The following SPON2 variants were observed in gnomAD, a reference collection of about 807,000 sequenced individuals.
SPON2 encodes the protein spondin 2, also known as spondin-2.
A neutral mutation model predicts 29.9 loss-of-function variants in SPON2; 32 were observed. The ratio of observed to expected loss-of-function variants is 1.07; its 90% CI spans 0.81 to 1.44. The LOEUF is 1.44. Ranked by LOEUF, SPON2 falls within the 40% of genes most tolerant of loss-of-function variation. SPON2 has a pLI of 0.00. For synonymous variants in SPON2, 248 were observed against 209.1 expected (o/e 1.19, Z -1.61); for missense variants, 541 against 455.5 (o/e 1.19, Z -1.71).
rs908832931 is a variant in SPON2, at chr4:1,202,246, G to T, written c.-234+5634C>A. 2.0e-5 allele frequency among the ~76,000 whole-genome samples: 3 copies of T among 152,186 alleles called. No individual in the cohort carries two copies. Among genetic ancestry groups the T allele is most frequent in the African/African-American group, 4.8e-5 (2 of 41,440 alleles). ...CACGTCGCATCCTCACCGGCTGGAG[G>T]GTGGGTCTGCCCCACAAGCCCTTTT... On this transcript the variant is annotated intron_variant, in intron 1 of 3. Transcript: ENST00000509233. The surrounding 1 kb of genome is among the most constrained non-coding windows in gnomAD (Gnocchi z 5.4).
chr4:1,171,055 C>T lies in SPON2; in HGVS notation c.580G>A (p.Gly194Ser), dbSNP rs746918921. ...LYPYDAGTDS[G>S]FTFSSPNFAT... The stretch of plus-strand genomic sequence containing the variant: ...AAGTTGGGGGAGGAGAAGGTGAAGC[C>T]GCTGTCCGTCCCGGCGTCGTAGGGG... Residue 194 changes from glycine (G) to serine (S), a missense_variant, in exon 4 of 6, where the codon GGC becomes AGC. Physicochemically the swap from Gly to Ser is moderately conservative, Grantham distance 56. Coordinates refer to ENST00000290902, the MANE Select transcript of SPON2 (RefSeq NM_012445.4). The T allele has an allele frequency of 3.2e-6, 5 of 1,548,876 alleles. No individual in the cohort carries two copies. Among genetic ancestry groups the T allele is most frequent in the East Asian group, 2.4e-5 (1 of 40,922 alleles).
intron 1 of SPON2, among the ~76,000 whole-genome samples, chr4:1,192,115 G>A (rs904375926): frequency 4.6e-5 from 7 of 152,234 alleles, no homozygotes; most frequent in East Asian, 1.9e-4. Context: ...GCCTGTCCAC[G>A]GCTGTGTGAC....
At chr4:1,189,602 G>A (rs1444503428) in intron 1 of SPON2, among the ~76,000 whole-genome samples, 1 of 130,200 alleles carries the variant, frequency 7.7e-6, no homozygotes, top group East Asian at 2.4e-4. Context: ...TGCCACCACT[G>A]CACTCCAGCC....
chr4:1,167,933 AGAGTAAGGGGCCCCTGGGAACCCC>A, intron 5 of SPON2: 1 of 396,000 alleles, frequency 2.5e-6, no homozygotes, highest in Non-Finnish European at 4.5e-6. Context: ...ACATCGTGGC[AGAGTAAGGGGCCCCTGGGAACCCC>A]GTGGGAACCC....
At chr4:1,195,490 C>T (rs944988257), upstream of SPON2, among the ~76,000 whole-genome samples, 5 of 151,210 alleles carry the variant, frequency 3.3e-5, no homozygotes, top group Non-Finnish European at 5.9e-5. Context: ...ACCTGAACCT[C>T]CCCCCGCCTC....
rs1246103405 is a variant in SPON2, at chr4:1,202,960, G to A, written c.-234+4920C>T. 6.6e-6 allele frequency among the ~76,000 whole-genome samples: 1 copy of A among 152,236 alleles called. No homozygotes were observed. The highest frequency in any genetic ancestry group is 1.5e-5 in the Non-Finnish European group (1 of 68,042). Reference sequence around the variant, plus strand: ...CGGGGGAGACCCAGGCAGGCAGTGAGCTCTGCGGTCCCAAAGGTGCCCCAG... The same window carrying A: ...CGGGGGAGACCCAGGCAGGCAGTGAACTCTGCGGTCCCAAAGGTGCCCCAG... On this transcript the variant is annotated intron_variant, in intron 1 of 3. Coordinates refer to the SPON2 transcript ENST00000509233. This position sits in a 1 kb window ranked among gnomAD's most constrained non-coding sequence, Gnocchi z 5.4.
chr4:1,184,952 G>A (rs994297702), intron 1 of SPON2, among the ~76,000 whole-genome samples: 2 of 135,554 alleles, frequency 1.5e-5, no homozygotes, highest in East Asian at 2.3e-4. Context: ...AAAAAAAAAA[G>A]AATACAATAA....
At chr4:1,185,536 C>G (rs1179972260) in intron 1 of SPON2, among the ~76,000 whole-genome samples, 1 of 150,692 alleles carries the variant, frequency 6.6e-6, no homozygotes, top group African/African-American at 2.4e-5. Flanking sequence ...GGTGAAACCC[C>G]GTCTCTATTA....
At chr4:1,188,202 CAAAAAA>C (rs1164276990) in intron 1 of SPON2, among the ~76,000 whole-genome samples, 2 of 36,582 alleles carry the variant, frequency 5.5e-5, no homozygotes, top group African/African-American at 2.1e-4. Context: ...GACTCCGTCT[CAAAAAA>C]AAAAAAAAAA....
At chr4:1,201,335 C>T (rs1445416280) in intron 1 of SPON2, 4 of 347,434 alleles carry the variant, frequency 1.2e-5, no homozygotes, top group Non-Finnish European at 2.3e-5. Context: ...GCCCCTTGCT[C>T]GCTTCCCTGA....
chr4:1,171,182 A>T lies in SPON2; in HGVS notation c.453T>A (p.Phe151Leu). The change falls in exon 4 of 6, where the codon TTT becomes TTA. Residue 151 changes from phenylalanine to leucine, a missense_variant. By Grantham distance (22) the Phe-to-Leu change is conservative. Coordinates refer to ENST00000290902, the MANE Select transcript of SPON2 (RefSeq NM_012445.4). Reference sequence around the variant, plus strand: ...CGGGGCTGGGCACGATGCGCACCACAAACGAGACCTGCGGCGACAGCGGCT... The same window carrying T: ...CGGGGCTGGGCACGATGCGCACCACTAACGAGACCTGCGGCGACAGCGGCT... ...EVQRRHSLVS[F>L]VVRIVPSPDW... 1.3e-6 allele frequency: 2 copies of T among 1,523,202 alleles called. No homozygotes were observed. The highest frequency in any genetic ancestry group is 1.8e-6 in the Non-Finnish European group (2 of 1,139,602). 94.4% of individuals were successfully genotyped at this position (1,523,202 alleles called of 1,614,324 possible).
intron 1 of SPON2, among the ~76,000 whole-genome samples, chr4:1,204,531 C>T (rs892382111): frequency 2.0e-5 from 3 of 152,328 alleles, no homozygotes; most frequent in Non-Finnish European, 2.9e-5. Context: ...GACCCACGCA[C>T]CAGCTCCACA....
At chr4:1,182,224 A>G (rs2108658378) in intron 1 of SPON2, among the ~76,000 whole-genome samples, 1 of 152,332 alleles carries the variant, frequency 6.6e-6, no homozygotes, top group Non-Finnish European at 1.5e-5. Context: ...GCCCATTTAA[A>G]GAAAAAAAGT....
upstream of SPON2, chr4:1,200,000 G>A (rs1257571231): frequency 6.6e-6 from 1 of 152,274 alleles, no homozygotes; most frequent in Non-Finnish European, 1.5e-5. This position sits in a 1 kb window ranked among gnomAD's most constrained non-coding sequence, Gnocchi z 4.5. Flanking sequence ...CCAGCCTCCA[G>A]GTTCCATGAA....
chr4:1,171,340 C>A lies in SPON2; in HGVS notation c.367G>T (p.Val123Leu). Reference sequence around the variant, plus strand: ...CTGGGGACGGCGGGCGCCGAAAACACCGCGTGCACGCTCTGCAGCGCCTCC... The same window carrying A: ...CTGGGGACGGCGGGCGCCGAAAACAACGCGTGCACGCTCTGCAGCGCCTCC... Reference protein sequence around the residue: ...AGEALQSVHAVFSAPAVPSGT... With the variant: ...AGEALQSVHALFSAPAVPSGT... Residue 123 changes from valine (V) to leucine (L), a missense_variant, in exon 3 of 6, where the codon GTG (valine) becomes TTG (leucine). By Grantham distance (32) the Val-to-Leu change is conservative. Coordinates refer to ENST00000290902, the MANE Select transcript of SPON2 (RefSeq NM_012445.4). The A allele has an allele frequency of 6.2e-7, 1 of 1,608,098 alleles. No individual in the cohort carries two copies. The highest frequency in any genetic ancestry group is 8.5e-7 in the Non-Finnish European group (1 of 1,179,150).
chr4:1,168,473 T>C (rs1727318904), intron 5 of SPON2, among the ~76,000 whole-genome samples: 1 of 152,228 alleles, frequency 6.6e-6, no homozygotes, highest in Admixed American at 6.5e-5. Context: ...GTGCAGTGCC[T>C]GGACTGGTCT....
At chr4:1,174,566 T>G (rs1727555910), upstream of SPON2, among the ~76,000 whole-genome samples, 1 of 152,082 alleles carries the variant, frequency 6.6e-6, no homozygotes. Flanking sequence ...TTTTTGTTTG[T>G]ATGGGTTATA....
chr4:1,176,383 ATTCATTCATTCACTCACACAGTACT>A (rs940075173), upstream of SPON2, among the ~76,000 whole-genome samples: 7 of 152,256 alleles, frequency 4.6e-5, no homozygotes, highest in Admixed American at 3.3e-4. Context: ...CACACAGTAC[ATTCATTCATTCACTCACACAGTACT>A]TTCATTCATC....
chr4:1,174,208 G>C (rs1304923078), upstream of SPON2, among the ~76,000 whole-genome samples: 3 of 143,420 alleles, frequency 2.1e-5, no homozygotes, highest in African/African-American at 7.8e-5. Flanking sequence ...CAGCCTGGGC[G>C]ACAGAGTGAG....
Sources: gnomAD v4.1 joint callset for allele counts (sites outside exome capture counted in the v4.1 genomes callset) on GRCh38, gnomAD v4.1.1 for gene constraint, Gnocchi (gnomAD v3.1) non-coding constraint, MANE v1.5 for transcripts, NCBI Gene and HGNC (gene_info 2026-07-23, HGNC 2026-07-21) for gene names.